The following GTF2E2 variants were observed in gnomAD, a reference collection of about 807,000 sequenced individuals.
GTF2E2 encodes general transcription factor IIE subunit 2.
A neutral mutation model predicts 40.5 loss-of-function variants in GTF2E2; 21 were observed. That is an observed-to-expected ratio of 0.52 (90% CI 0.37 to 0.75). The LOEUF (loss-of-function observed/expected upper bound fraction) is 0.75, where lower values mean the gene tolerates loss of function less well. Among genes scored for constraint, GTF2E2 ranks in the 30% least tolerant of loss-of-function variants. GTF2E2 has a pLI of 0.00. For missense variants in GTF2E2, 298 were observed against 338.4 expected, an observed-to-expected ratio of 0.88 and a Z score of 0.94; for synonymous variants, 117 against 121.6, an observed-to-expected ratio of 0.96 and a Z score of 0.25.
chr8:30,625,394 T>C (rs1023976694), intron 3 of GTF2E2, among the ~76,000 whole-genome samples: 1 of 151,958 alleles, frequency 6.6e-6, no homozygotes, highest in Non-Finnish European at 1.5e-5. Flanking sequence ...TACCACTGGG[T>C]TTCTCAACCA....
chr8:30,603,217 A>C (rs1229153395), intron 6 of GTF2E2, among the ~76,000 whole-genome samples: 1 of 152,230 alleles, frequency 6.6e-6, no homozygotes, highest in Non-Finnish European at 1.5e-5. Flanking sequence ...ACTGTAACAA[A>C]AATCCCAGAA....
At chr8:30,613,711 T>C (rs986337737) in intron 4 of GTF2E2, among the ~76,000 whole-genome samples, 15 of 152,230 alleles carry the variant, frequency 9.9e-5, no homozygotes, top group Admixed American at 2.0e-4. Flanking sequence ...ACCTGTATTT[T>C]GCTTGGTAAA....
At chr8:30,647,107 T>C (rs903534474) in intron 2 of GTF2E2, among the ~76,000 whole-genome samples, 18 of 150,698 alleles carry the variant, frequency 1.2e-4, no homozygotes, top group African/African-American at 4.4e-4. Flanking sequence ...AATATACACA[T>C]GAGTAAGGTT....
chr8:30,598,255 A>T (rs1193521515), intron 6 of GTF2E2, among the ~76,000 whole-genome samples: 1 of 152,200 alleles, frequency 6.6e-6, no homozygotes, highest in Admixed American at 6.5e-5. Flanking sequence ...TGAAAACAGA[A>T]ATTTCTTTGC....
chr8:30,597,927 T>C lies in GTF2E2; in HGVS notation c.643+9130A>G, dbSNP rs997633632. ...ATCCCAATAAAGCATGCAAAATTACTGTTTTAAAATGTAGGCAATAGCCAG... is the reference window on the plus strand; with the variant it reads ...ATCCCAATAAAGCATGCAAAATTACCGTTTTAAAATGTAGGCAATAGCCAG... On this transcript the variant is annotated intron_variant, in intron 6 of 7. Coordinates refer to ENST00000355904, the MANE Select transcript of GTF2E2 (RefSeq NM_002095.6). Among the ~76,000 whole-genome samples the C allele has an allele frequency of 4.6e-5, 7 of 152,374 alleles. No homozygotes were observed. The South Asian group carries it at 6.2e-4, about 14-fold the overall frequency.
Position 30,618,317 on chromosome 8 carries a change from G to A in GTF2E2, c.259-3602C>T, listed in dbSNP as rs74453686. Among the ~76,000 whole-genome samples the A allele has an allele frequency of 9.6e-3, 1,459 of 151,944 alleles. 28 individuals carry two copies. The highest frequency in any genetic ancestry group is 0.034 in the African/African-American group (1,412 of 41,310). ...GGGGGGGAGTTACGCTTTACTAATA[G>A]TGAATATGTGGACTGACAAATACTA... On this transcript the variant is annotated intron_variant, in intron 3 of 7. Coordinates refer to ENST00000355904, the MANE Select transcript of GTF2E2 (RefSeq NM_002095.6).
intron 2 of GTF2E2, 56 bp downstream of exon 2, chr8:30,653,377 G>A (rs1439608997): frequency 1.5e-6 from 2 of 1,376,452 alleles, no homozygotes; most frequent in South Asian, 1.2e-5. Context: ...TAACTAAACG[G>A]TTTCCTCCTG....
At chr8:30,581,070 A>G (rs1828503059) in intron 6 of GTF2E2, among the ~76,000 whole-genome samples, 1 of 152,238 alleles carries the variant, frequency 6.6e-6, no homozygotes, top group Non-Finnish European at 1.5e-5. Context: ...ATTCCAAATG[A>G]ACATTATTTA....
At chr8:30,593,284 G>A (rs536470741) in intron 6 of GTF2E2, among the ~76,000 whole-genome samples, 6 of 152,166 alleles carry the variant, frequency 3.9e-5, no homozygotes, top group Non-Finnish European at 8.8e-5. Context: ...AGTTGATGGT[G>A]CTCTTCCGGA....
At chr8:30,624,627 A>T (rs1229375931) in intron 3 of GTF2E2, among the ~76,000 whole-genome samples, 2 of 152,134 alleles carry the variant, frequency 1.3e-5, no homozygotes, top group Admixed American at 1.3e-4. Flanking sequence ...CATGATATTG[A>T]TTCTTCCTAG....
chr8:30,583,045 T>A (rs1828556768), intron 6 of GTF2E2, among the ~76,000 whole-genome samples: 1 of 152,124 alleles, frequency 6.6e-6, no homozygotes, highest in Non-Finnish European at 1.5e-5. Context: ...AGAATTCTAC[T>A]ATAATAGGCT....
chr8:30,636,946 A>G, intron 2 of GTF2E2: 1 of 446,036 alleles, frequency 2.2e-6, no homozygotes, highest in South Asian at 1.6e-5. Flanking sequence ...CATTCTCCCA[A>G]GGTGTTCAGC....
intron 1 of GTF2E2, 125 bp downstream of exon 1, chr8:30,657,848 G>C (rs932957182): frequency 2.0e-5 from 3 of 152,228 alleles, no homozygotes; most frequent in Non-Finnish European, 2.9e-5. Flanking sequence ...CTTCGAGAAC[G>C]GCGGTCCCAG....
Position 30,612,371 on chromosome 8 carries a change from G to A in GTF2E2, c.477C>T (p.Asp159=), listed in dbSNP as rs780562634. Residue 159 remains aspartate, a synonymous_variant, in exon 5 of 8, where the codon GAC becomes GAT. Transcript: ENST00000355904. ...AAAGAATTCCTCCTAATCCTCGCTG[G>A]TCATGCTGATCTAAGAGCCTAAGTA... The part of the protein sequence containing the change: ...KALLRLLDQH[D]QRGLGGILLE... 8 of 1,612,644 alleles carry A rather than the reference G, an allele frequency of 5.0e-6. No homozygotes were observed. Among genetic ancestry groups the A allele is most frequent in the Middle Eastern group, 1.7e-4 (1 of 6,034 alleles).
intron 2 of GTF2E2, chr8:30,638,738 A>C (rs749251931): frequency 1.3e-5 from 2 of 152,548 alleles, no homozygotes; most frequent in Non-Finnish European, 2.9e-5. Context: ...CTTTGCTCCT[A>C]CTAAATATCA....
In GTF2E2 at chr8:30,607,132, G is replaced by A. The variant is rs1296068914; in HGVS notation, c.568C>T (p.Leu190=). Residue 190 remains leucine, a synonymous_variant, in exon 6 of 8, where the codon CTA becomes TTA. Transcript: ENST00000355904. The part of the protein sequence containing the change: ...KAVKALGDQI[L]FVNRPDKKKI... ...TTCTTATCGGGACGATTTACAAATA[G>A]TATCTGGTCCCCCAAAGCCTTAAAG... 4.3e-6 allele frequency: 6 copies of A among 1,410,608 alleles called. No individual in the cohort carries two copies. The highest frequency in any genetic ancestry group is 4.9e-6 in the Non-Finnish European group (5 of 1,011,596). 87.4% of individuals were successfully genotyped at this position (1,410,608 alleles called of 1,614,324 possible). A position where few individuals can be genotyped will look rare whatever the true frequency, so the allele number is the denominator to read the frequency against.
At chr8:30,649,367 C>A (rs894491548) in intron 2 of GTF2E2, among the ~76,000 whole-genome samples, 1 of 151,008 alleles carries the variant, frequency 6.6e-6, no homozygotes, top group Admixed American at 6.6e-5. Context: ...CCAAAGCAAG[C>A]AGAAGGAAGG....
At chr8:30,632,214 A>T (rs529515052) in intron 3 of GTF2E2, among the ~76,000 whole-genome samples, 1 of 152,340 alleles carries the variant, frequency 6.6e-6, no homozygotes, top group African/African-American at 2.4e-5. Context: ...GCAGCGCAGA[A>T]ATGTTTAAAT....
chr8:30,614,547 TA>T (rs561198137), intron 4 of GTF2E2, 60 bp downstream of exon 4: 6,346 of 820,396 alleles, frequency 7.7e-3, no homozygotes, highest in Non-Finnish European at 8.4e-3. Flanking sequence ...GACTCTGTCT[TA>T]AAAAAAAAAG....
Sources: gnomAD v4.1 joint callset for allele counts (sites outside exome capture counted in the v4.1 genomes callset) on GRCh38, gnomAD v4.1.1 for gene constraint, MANE v1.5 for transcripts, NCBI Gene and HGNC (gene_info 2026-07-23, HGNC 2026-07-21) for gene names.